Variants in CFDP1 observed in about 807,000 individuals in gnomAD.
CFDP1 encodes the protein chromatin remodeling protein CFDP1.
A neutral mutation model predicts 40.1 loss-of-function variants in CFDP1; 31 were observed. The observed-to-expected ratio is 0.77, with a 90% CI of 0.58 to 1.04. The LOEUF (loss-of-function observed/expected upper bound fraction) is 1.04, where lower values mean the gene tolerates loss of function less well. Among genes scored for constraint, CFDP1 ranks in the 50% least tolerant of loss-of-function variants. The pLI is 0.00. For synonymous variants in CFDP1, 167 were observed against 120.0 expected, an observed-to-expected ratio of 1.39 and a Z score of -2.56; for missense variants, 423 against 343.4, an observed-to-expected ratio of 1.23 and a Z score of -1.83.
chr16:75,427,210 C>CA (rs1193432221), intron 1 of CFDP1, among the ~76,000 whole-genome samples: 1 of 152,084 alleles, frequency 6.6e-6, no homozygotes, highest in African/African-American at 2.4e-5. Flanking sequence ...AGAGCATCAA[C>CA]ATCCTTAGGG....
intron 4 of CFDP1, among the ~76,000 whole-genome samples, chr16:75,404,472 C>T (rs1000710315): frequency 6.6e-6 from 1 of 152,016 alleles, no homozygotes; most frequent in South Asian, 2.1e-4. Context: ...CCGCCTGCCT[C>T]GGCCTCCCAA....
chr16:75,370,071 C>A (rs907525102), intron 5 of CFDP1, among the ~76,000 whole-genome samples: 2 of 151,616 alleles, frequency 1.3e-5, no homozygotes, highest in African/African-American at 4.8e-5. Flanking sequence ...CCATGCCTGG[C>A]CTTGAATTTT....
chr16:75,405,470 T>C (rs247428), intron 4 of CFDP1, among the ~76,000 whole-genome samples: 1 of 151,940 alleles, frequency 6.6e-6, no homozygotes, highest in African/African-American at 2.4e-5. Context: ...ACAAGAGGCC[T>C]GGTGTGGTGG....
intron 6 of CFDP1, among the ~76,000 whole-genome samples, chr16:75,295,081 T>A (rs2078173208): frequency 1.3e-5 from 2 of 152,230 alleles, no homozygotes; most frequent in African/African-American, 4.8e-5. Flanking sequence ...AATTTTTCTT[T>A]TGTTGCACTG....
Position 75,412,596 on chromosome 16 carries a change from C to A in CFDP1, c.341G>T (p.Trp114Leu). The A allele has an allele frequency of 6.2e-7, 1 of 1,614,146 alleles. No individual in the cohort carries two copies. Among genetic ancestry groups the A allele is most frequent in the Non-Finnish European group, 8.5e-7 (1 of 1,180,010 alleles). Residue 114 changes from tryptophan (W) to leucine (L), a missense_variant, in exon 3 of 7, where the codon TGG becomes TTG. Physicochemically the swap from Trp to Leu is moderately conservative, Grantham distance 61. Transcript: ENST00000283882. ...DARKKKEDEL[W>L]ASFLNDVGPK... Reference sequence around the variant, plus strand: ...TCCCACATCATTGAGGAAGCTGGCCCAGAGTTCGTCCTCCTTCTTTTTCCT... The same window carrying A: ...TCCCACATCATTGAGGAAGCTGGCCAAGAGTTCGTCCTCCTTCTTTTTCCT...
rs115290613 is a variant in CFDP1, at chr16:75,392,045, G to A, written c.650+3045C>T. Reference sequence around the variant, plus strand: ...ACTCCCTGCAAACAATACAATAAATGTAAAGCCAAAAACATGTTGTTTCAG... The same window carrying A: ...ACTCCCTGCAAACAATACAATAAATATAAAGCCAAAAACATGTTGTTTCAG... On this transcript the variant is annotated intron_variant, in intron 5 of 6. Coordinates refer to ENST00000283882, the MANE Select transcript of CFDP1 (RefSeq NM_006324.3). Among the ~76,000 whole-genome samples, 921 of 152,242 alleles carry A rather than the reference G, an allele frequency of 6.0e-3. 11 individuals carry two copies. Among genetic ancestry groups the A allele is most frequent in the African/African-American group, 0.02 (832 of 41,556 alleles).
intron 1 of CFDP1, among the ~76,000 whole-genome samples, chr16:75,427,494 G>A (rs1176640166): frequency 6.6e-6 from 1 of 152,064 alleles, no homozygotes; most frequent in Non-Finnish European, 1.5e-5. Context: ...CTTGTGATCT[G>A]CCTGCCTTGG....
At chr16:75,405,734 A>G in intron 4 of CFDP1, among the ~76,000 whole-genome samples, 1 of 139,112 alleles carries the variant, frequency 7.2e-6, no homozygotes, top group Middle Eastern at 3.6e-3. Flanking sequence ...TGGGTGACAG[A>G]GTGAGACTCC....
At chr16:75,387,825 T>C (rs180971759) in intron 5 of CFDP1, among the ~76,000 whole-genome samples, 4 of 151,604 alleles carry the variant, frequency 2.6e-5, no homozygotes, top group Admixed American at 1.3e-4. Context: ...GAACTTATTT[T>C]TTAAAATGTG....
At chr16:75,321,532 A>C (rs924231043) in intron 5 of CFDP1, among the ~76,000 whole-genome samples, 1 of 152,186 alleles carries the variant, frequency 6.6e-6, no homozygotes, top group Middle Eastern at 3.4e-3. Context: ...AGCTTGTCCA[A>C]CCTGCCTTAT....
chr16:75,299,135 G>T (rs1435738073), intron 6 of CFDP1, among the ~76,000 whole-genome samples: 2 of 152,106 alleles, frequency 1.3e-5, no homozygotes, highest in East Asian at 3.8e-4. Flanking sequence ...GCTGTACTGG[G>T]CCCTGGGAGT....
chr16:75,411,524 G>C (rs555997647), intron 4 of CFDP1, among the ~76,000 whole-genome samples: 1 of 152,292 alleles, frequency 6.6e-6, no homozygotes, highest in Admixed American at 6.5e-5. Context: ...AATAAAGGGA[G>C]ACATGACTTA....
At chr16:75,363,942 A>AACACACACACACAC (rs10635711) in intron 5 of CFDP1, among the ~76,000 whole-genome samples, 15,300 of 142,714 alleles carry the variant, frequency 0.11, 918 homozygotes, top group African/African-American at 0.11. Context: ...AAAGAGGTGA[A>AACACACACACACAC]ACACACACAC....
intron 5 of CFDP1, among the ~76,000 whole-genome samples, chr16:75,346,344 C>T (rs1349814530): frequency 1.3e-5 from 2 of 151,916 alleles, no homozygotes; most frequent in African/African-American, 4.8e-5. Flanking sequence ...AGCACTTTGG[C>T]AGGCCGAGGC....
intron 5 of CFDP1, among the ~76,000 whole-genome samples, chr16:75,309,837 A>AAAAAC (rs1404233981): frequency 6.6e-6 from 1 of 150,900 alleles, no homozygotes; most frequent in East Asian, 1.9e-4. Flanking sequence ...AAAAAAAAAA[A>AAAAAC]AAAAAAAACC....
chr16:75,331,893 G>A (rs940884777), intron 5 of CFDP1, among the ~76,000 whole-genome samples: 1 of 152,168 alleles, frequency 6.6e-6, no homozygotes, highest in Non-Finnish European at 1.5e-5. Flanking sequence ...GTTCTCCAAA[G>A]TTAAGAACTC....
chr16:75,409,504 G>A (rs1165221977), intron 4 of CFDP1: 1 of 152,148 alleles, frequency 6.6e-6, no homozygotes, highest in African/African-American at 2.4e-5. Context: ...TGTTTTTCTA[G>A]TAATTCCTTT....
chr16:75,433,223 A>T, intron 1 of CFDP1, 66 bp downstream of exon 1: 1 of 1,461,682 alleles, frequency 6.8e-7, no homozygotes, highest in Non-Finnish European at 9.3e-7. Flanking sequence ...CCGCGGGGGC[A>T]GAGCGCGCCT....
At chr16:75,419,065 C>A (rs534178545) in intron 1 of CFDP1, 2 of 418,382 alleles carry the variant, frequency 4.8e-6, no homozygotes, top group African/African-American at 2.0e-5. Context: ...ATCACTTGAG[C>A]CCAGGAATTG....
Sources: gnomAD v4.1 joint callset for allele counts (sites outside exome capture counted in the v4.1 genomes callset) on GRCh38, gnomAD v4.1.1 for gene constraint, MANE v1.5 for transcripts, NCBI Gene and HGNC (gene_info 2026-07-23, HGNC 2026-07-21) for gene names.